The following CDH11 variants were observed in gnomAD, a reference collection of about 807,000 sequenced individuals.
The protein encoded by CDH11 is cadherin-11.
A neutral mutation model predicts 67.8 loss-of-function variants in CDH11; 11 were observed. The observed-to-expected ratio is 0.16, with a 90% confidence interval of 0.10 to 0.27. The LOEUF is 0.27. Among genes scored for constraint, CDH11 ranks in the 10% least tolerant of loss-of-function variants. The probability of loss-of-function intolerance (pLI) is 1.00; values close to 1 mark genes in which losing one functional copy is unlikely to be tolerated. For synonymous variants in CDH11, 419 were observed against 400.0 expected (o/e 1.05, Z -0.57); for missense variants, 847 against 1,031.2 (o/e 0.82, Z 2.45).
intron 1 of CDH11, among the ~76,000 whole-genome samples, chr16:65,070,638 A>G (rs972257632): frequency 6.6e-6 from 1 of 152,226 alleles, no homozygotes; most frequent in African/African-American, 2.4e-5. Flanking sequence ...ATTATTATGC[A>G]TTGGAAACCC....
chr16:64,997,550 T>C (rs1330849664), intron 4 of CDH11, among the ~76,000 whole-genome samples: 2 of 152,116 alleles, frequency 1.3e-5, no homozygotes, highest in African/African-American at 4.8e-5. Context: ...CTGTATGGAT[T>C]TATTTGATAT....
chr16:64,972,154 C>G, intron 9 of CDH11, 90 bp from the exon 10 acceptor site: 1 of 1,162,134 alleles, frequency 8.6e-7, no homozygotes, highest in Non-Finnish European at 1.3e-6. Flanking sequence ...AAGCTCCAGC[C>G]ACCTATCTGG....
chr16:65,040,395 T>G (rs1036870925), intron 2 of CDH11, among the ~76,000 whole-genome samples: 1 of 152,130 alleles, frequency 6.6e-6, no homozygotes, highest in South Asian at 2.1e-4. Context: ...ATGAGTTCAT[T>G]TCCTTTGTAG....
chr16:65,032,099 A>G (rs1159665806), intron 2 of CDH11, among the ~76,000 whole-genome samples: 2 of 152,172 alleles, frequency 1.3e-5, no homozygotes, highest in Admixed American at 1.3e-4. Flanking sequence ...AAAATATCAT[A>G]TTGCAAACCT....
At chr16:65,041,365 A>C (rs1206778812) in intron 2 of CDH11, among the ~76,000 whole-genome samples, 2 of 148,778 alleles carry the variant, frequency 1.3e-5, no homozygotes, top group Non-Finnish European at 3.0e-5. Flanking sequence ...GTGCTTCCAC[A>C]AGCTGTGAAG....
intron 2 of CDH11, among the ~76,000 whole-genome samples, chr16:65,025,481 T>C (rs766142027): frequency 2.1e-4 from 32 of 152,246 alleles, no homozygotes; most frequent in Non-Finnish European, 3.7e-4. Flanking sequence ...TAGCTGGGAC[T>C]AAAGGCACCC....
chr16:64,978,044 A>G (rs901334980), intron 8 of CDH11, among the ~76,000 whole-genome samples: 1 of 152,174 alleles, frequency 6.6e-6, no homozygotes, highest in Non-Finnish European at 1.5e-5. Context: ...ATTTAGATCC[A>G]TTTACTTTTT....
intron 4 of CDH11, among the ~76,000 whole-genome samples, chr16:64,996,620 T>C (rs1052627854): frequency 1.3e-5 from 2 of 151,984 alleles, no homozygotes; most frequent in African/African-American, 4.8e-5. Context: ...CTATTCACAA[T>C]AGCGAAGACA....
At chr16:64,980,429 G>A (rs1242301305) in intron 8 of CDH11, among the ~76,000 whole-genome samples, 1 of 152,098 alleles carries the variant, frequency 6.6e-6, no homozygotes, top group East Asian at 1.9e-4. Context: ...GTAGGGAGGA[G>A]CAAGAGGAAG....
In CDH11 at chr16:65,121,784, C is replaced by T; in HGVS notation, c.-298+96G>A. On this transcript the variant is annotated intron_variant, in intron 1 of 12. Coordinates refer to ENST00000268603, the MANE Select transcript of CDH11 (RefSeq NM_001797.4). This position sits in a 1 kb window ranked among gnomAD's most constrained non-coding sequence, Gnocchi z 4.1. ...AGATACCACCGTCCCCCTCACCACC[C>T]CGCCCCGCCAAGACATTCTCTTCCT... 1 of 699,772 alleles carries T rather than the reference C, an allele frequency of 1.4e-6. No homozygotes were observed. Among genetic ancestry groups the T allele is most frequent in the Non-Finnish European group, 2.6e-6 (1 of 383,848 alleles). 43.3% of individuals were successfully genotyped at this position (699,772 alleles called of 1,614,324 possible). A position where few individuals can be genotyped will look rare whatever the true frequency, so the allele number is the denominator to read the frequency against.
At position 64,950,999 on chromosome 16, in the gene CDH11, G is replaced by A. The variant is rs200486624; in HGVS notation, c.1662C>T (p.Tyr554=). 4.3e-6 allele frequency: 7 copies of A among 1,613,770 alleles called. No homozygotes were observed. In the East Asian group the frequency reaches 1.1e-4, roughly 26 times the overall value. Residue 554 remains tyrosine (Y), a synonymous_variant, in exon 12 of 13, where the codon TAC becomes TAT. Coordinates refer to ENST00000268603, the MANE Select transcript of CDH11 (RefSeq NM_001797.4). The part of the protein sequence containing the change: ...RDNRDNTAGV[Y]ARRGGFSRQK... ...GCCGACTGAACCCTCCACGCCGGGC[G>A]TACACGCCTGCTGTGTTATCTGCAG...
At chr16:64,997,536 T>C (rs1023883487) in intron 4 of CDH11, among the ~76,000 whole-genome samples, 3 of 152,170 alleles carry the variant, frequency 2.0e-5, no homozygotes, top group African/African-American at 7.2e-5. Flanking sequence ...CACTGCTGTT[T>C]CCTCTGTATG....
At chr16:64,989,756 T>G (rs2072584376) in intron 6 of CDH11, among the ~76,000 whole-genome samples, 1 of 152,224 alleles carries the variant, frequency 6.6e-6, no homozygotes, top group African/African-American at 2.4e-5. Context: ...TTATCTTATT[T>G]GCTTTTCACA....
chr16:65,068,314 A>C (rs1358397805), intron 1 of CDH11, among the ~76,000 whole-genome samples: 1 of 151,330 alleles, frequency 6.6e-6, no homozygotes, highest in African/African-American at 2.4e-5. Context: ...TCTTCAGCAC[A>C]CAAGGAGGCA....
intron 2 of CDH11, among the ~76,000 whole-genome samples, chr16:65,052,396 G>T (rs930463093): frequency 6.6e-6 from 1 of 152,186 alleles, no homozygotes; most frequent in Non-Finnish European, 1.5e-5. Flanking sequence ...ATTAGAAATA[G>T]CTCCTTAGAG....
chr16:64,951,032 G>C lies in CDH11; in HGVS notation c.1643-14C>G. The C allele has an allele frequency of 1.2e-6, 2 of 1,609,020 alleles. No individual in the cohort carries two copies. Among genetic ancestry groups the C allele is most frequent in the Non-Finnish European group, 1.7e-6 (2 of 1,176,712 alleles). On this transcript the variant is annotated splice_polypyrimidine_tract_variant and intron_variant, in intron 11 of 12. Transcript: ENST00000268603. ...CTGCTGTGTTATCTGCAGAAAGAGGGGAGACAGGCCGTGCGCCCAGTCAAG... is the reference window on the plus strand; with the variant it reads ...CTGCTGTGTTATCTGCAGAAAGAGGCGAGACAGGCCGTGCGCCCAGTCAAG...
chr16:65,043,248 T>C (rs967075796), intron 2 of CDH11, among the ~76,000 whole-genome samples: 2 of 152,230 alleles, frequency 1.3e-5, no homozygotes, highest in African/African-American at 4.8e-5. Context: ...TGTGTATTCA[T>C]GCACAGACAT....
At chr16:65,058,611 T>C (rs1022347564) in intron 1 of CDH11, among the ~76,000 whole-genome samples, 2 of 152,218 alleles carry the variant, frequency 1.3e-5, no homozygotes, top group African/African-American at 4.8e-5. Flanking sequence ...TTTCCTGTTA[T>C]TGCAAAGTTC....
intron 2 of CDH11, among the ~76,000 whole-genome samples, chr16:65,048,839 T>C (rs2142702342): frequency 6.6e-6 from 1 of 151,990 alleles, no homozygotes; most frequent in East Asian, 1.9e-4. Flanking sequence ...TATCACGAAA[T>C]ACTACACAGC....
Sources: gnomAD v4.1 joint callset for allele counts (sites outside exome capture counted in the v4.1 genomes callset) on GRCh38, gnomAD v4.1.1 for gene constraint, Gnocchi (gnomAD v3.1) non-coding constraint, MANE v1.5 for transcripts, NCBI Gene and HGNC (gene_info 2026-07-23, HGNC 2026-07-21) for gene names.